GSK3B: variants seen among roughly 807,000 people sequenced by gnomAD.
GSK3B encodes glycogen synthase kinase 3 beta.
A neutral mutation model predicts 56.4 loss-of-function variants in GSK3B; 15 were observed. The ratio of observed to expected loss-of-function variants is 0.27; its 90% CI spans 0.18 to 0.41. The LOEUF (loss-of-function observed/expected upper bound fraction) is 0.41. Among genes scored for constraint, GSK3B ranks in the 10% least tolerant of loss-of-function variants. GSK3B has a pLI of 1.00. For missense variants in GSK3B, 300 were observed against 513.4 expected (o/e 0.58, Z 4.02); for synonymous variants, 181 against 188.9 (o/e 0.96, Z 0.34).
At chr3:119,849,120 C>A in intron 9 of GSK3B, among the ~76,000 whole-genome samples, 1 of 152,202 alleles carries the variant, frequency 6.6e-6, no homozygotes, top group Non-Finnish European at 1.5e-5. Context: ...CAAAAAAAAG[C>A]ATTAATATGT....
At chr3:119,971,514 T>C (rs985162354) in intron 2 of GSK3B, among the ~76,000 whole-genome samples, 4 of 152,012 alleles carry the variant, frequency 2.6e-5, no homozygotes, top group Middle Eastern at 3.2e-3. Flanking sequence ...TTCCATAGTT[T>C]TAGTAACTGG....
At chr3:119,943,459 A>G (rs896575123) in intron 3 of GSK3B, among the ~76,000 whole-genome samples, 48 of 152,232 alleles carry the variant, frequency 3.2e-4, no homozygotes, top group Admixed American at 2.7e-3. Context: ...AATTATGCAT[A>G]TACCTATATA....
At position 119,822,560 on chromosome 3, in the gene GSK3B, A is replaced by T; in HGVS notation, c.*4228T>A. 1 of 229,320 alleles carries T rather than the reference A, an allele frequency of 4.4e-6. No homozygotes were observed. Among genetic ancestry groups the T allele is most frequent in the Non-Finnish European group, 8.7e-6 (1 of 115,568 alleles). 14.2% of individuals were successfully genotyped at this position (229,320 alleles called of 1,614,324 possible). A position where few individuals can be genotyped will look rare whatever the true frequency, so the allele number is the denominator to read the frequency against. On this transcript the variant is annotated 3_prime_UTR_variant, in exon 11 of 11. Coordinates refer to ENST00000264235, the MANE Select transcript of GSK3B (RefSeq NM_001146156.2). ...GAGCAACAAACTTGAATAAAACGGC[A>T]TAACCCTTGTGAAAATAATCCAAAC... is the stretch of plus-strand genomic sequence containing the variant.
chr3:120,018,506 A>G (rs1398502379), intron 1 of GSK3B, among the ~76,000 whole-genome samples: 2 of 152,238 alleles, frequency 1.3e-5, no homozygotes, highest in East Asian at 1.9e-4. Context: ...AAACTAGAGT[A>G]TAACACTACA....
intron 2 of GSK3B, among the ~76,000 whole-genome samples, chr3:119,997,614 T>G (rs2057632606): frequency 6.6e-6 from 1 of 152,192 alleles, no homozygotes; most frequent in African/African-American, 2.4e-5. Flanking sequence ...TTTGTTTTGT[T>G]GGGGTTGCAG....
At chr3:120,005,613 G>C (rs188994888) in intron 1 of GSK3B, among the ~76,000 whole-genome samples, 1 of 152,276 alleles carries the variant, frequency 6.6e-6, no homozygotes, top group Admixed American at 6.5e-5. Context: ...AGAGTAGGGG[G>C]AAAATATTCA....
Position 119,822,068 on chromosome 3 carries a change from A to AG in GSK3B, c.*4719dup. 2 of 198,554 alleles carry AG rather than the reference A, an allele frequency of 1.0e-5. No homozygotes were observed. 12.3% of individuals were successfully genotyped at this position (198,554 alleles called of 1,614,324 possible). On this transcript the variant is annotated 3_prime_UTR_variant, in exon 11 of 11. Transcript: ENST00000264235. ...AATGTATTTACAAGGGAATGGGGAA[A>AG]GGGAAAAAAAACATTGAGCATACTT...
intron 6 of GSK3B, among the ~76,000 whole-genome samples, chr3:119,910,572 TC>T (rs770859339): frequency 6.6e-6 from 1 of 152,184 alleles, no homozygotes; most frequent in Admixed American, 6.5e-5. Context: ...TGCTGACTGA[TC>T]AGGGTGGCAG....
chr3:120,093,450 G>T lies in GSK3B; in HGVS notation c.-16C>A, dbSNP rs201029919. The T allele has an allele frequency of 2.6e-6, 4 of 1,564,130 alleles. No individual in the cohort carries two copies. The highest frequency in any genetic ancestry group is 3.5e-6 in the Non-Finnish European group (4 of 1,134,666). On this transcript the variant is annotated 5_prime_UTR_variant, in exon 1 of 11. Coordinates refer to ENST00000264235, the MANE Select transcript of GSK3B (RefSeq NM_001146156.2). ...GCCCTGACATGATCACTCTCTTCGC[G>T]AATCACCTTTTCCTTCCTTCCTCCT...
In GSK3B at chr3:119,831,799, T is replaced by G. The variant is rs115200522; in HGVS notation, c.1196-4944A>C. Among the ~76,000 whole-genome samples, 644 of 152,288 alleles carry G rather than the reference T, an allele frequency of 4.2e-3. 1 individual carries two copies. Among genetic ancestry groups the G allele is most frequent in the African/African-American group, 0.015 (608 of 41,566 alleles). ...TACAGAACTGACATTTCACTGACTT[T>G]GAAGCTTCCTATAAACCAATGCCCA... On this transcript the variant is annotated intron_variant, in intron 10 of 10. Transcript: ENST00000264235.
rs139524060 is a variant in GSK3B at position 119,937,786 on chromosome 3, A to G, written c.366+9482T>C. 1.6e-3 allele frequency among the ~76,000 whole-genome samples: 237 copies of G among 152,130 alleles called. 1 individual carries two copies. The highest frequency in any genetic ancestry group is 3.4e-3 in the Middle Eastern group (1 of 294). ...GAAATATATGAATAGAGATGAATAAAACAGAGAACAGAAAAAAAACAGAAT... is the reference window on the plus strand; with the variant it reads ...GAAATATATGAATAGAGATGAATAAGACAGAGAACAGAAAAAAAACAGAAT... On this transcript the variant is annotated intron_variant, in intron 3 of 10. Transcript: ENST00000264235.
intron 2 of GSK3B, among the ~76,000 whole-genome samples, chr3:119,987,356 A>G (rs2057526157): frequency 6.6e-6 from 1 of 152,198 alleles, no homozygotes; most frequent in Non-Finnish European, 1.5e-5. Flanking sequence ...ACATGTATTT[A>G]AAGCTATTGA....
At chr3:119,869,081 A>C (rs1216373880) in intron 8 of GSK3B, among the ~76,000 whole-genome samples, 2 of 151,724 alleles carry the variant, frequency 1.3e-5, no homozygotes, top group African/African-American at 4.8e-5. Flanking sequence ...AAAATTAGCC[A>C]GGTGTAGTGG....
intron 1 of GSK3B, among the ~76,000 whole-genome samples, chr3:120,026,514 C>CAT (rs1331060984): frequency 4.6e-4 from 28 of 61,428 alleles, no homozygotes; most frequent in African/African-American, 2.3e-3. Context: ...CCGCCAAATA[C>CAT]ACACACACAC....
intron 5 of GSK3B, among the ~76,000 whole-genome samples, chr3:119,914,794 C>T (rs1242339594): frequency 1.3e-5 from 2 of 151,950 alleles, no homozygotes; most frequent in African/African-American, 4.8e-5. Context: ...TCAAGAGAAG[C>T]CTGTGGAAAA....
intron 1 of GSK3B, among the ~76,000 whole-genome samples, chr3:120,005,977 C>T (rs2057723849): frequency 6.6e-6 from 1 of 152,114 alleles, no homozygotes; most frequent in Non-Finnish European, 1.5e-5. Context: ...AAGACACAGG[C>T]TGGCAAACTG....
intron 1 of GSK3B, among the ~76,000 whole-genome samples, chr3:120,086,196 A>G (rs2058461910): frequency 7.0e-6 from 1 of 143,306 alleles, no homozygotes; most frequent in Non-Finnish European, 1.5e-5. Context: ...ACTAAGGAGG[A>G]AAAAAAAAAA....
chr3:120,085,000 C>T (rs2058451448), intron 1 of GSK3B, among the ~76,000 whole-genome samples: 1 of 152,116 alleles, frequency 6.6e-6, no homozygotes, highest in Non-Finnish European at 1.5e-5. Flanking sequence ...CGTAAAGATT[C>T]AGAATACCTA....
At chr3:119,968,561 A>G (rs984152449) in intron 2 of GSK3B, among the ~76,000 whole-genome samples, 2 of 152,226 alleles carry the variant, frequency 1.3e-5, no homozygotes, top group Non-Finnish European at 2.9e-5. Flanking sequence ...CTGATCATAT[A>G]TATAGATGCT....
Sources: allele counts gnomAD v4.1 joint callset (sites outside exome capture counted in the v4.1 genomes callset), GRCh38; gene constraint gnomAD v4.1.1; transcripts MANE v1.5; gene names NCBI Gene and HGNC (gene_info 2026-07-23, HGNC 2026-07-21).